Variants in RORB observed in about 807,000 individuals in gnomAD.
RORB encodes RAR related orphan receptor B.
RORB carries 6 observed loss-of-function variants against 59.1 expected under a neutral mutation model. That is an observed-to-expected ratio of 0.10 (90% CI 0.06 to 0.20). The LOEUF (loss-of-function observed/expected upper bound fraction) is 0.20. Ranked by LOEUF, RORB falls within the 10% of genes least tolerant of loss-of-function variation. RORB has a pLI of 1.00. For synonymous variants in RORB, 215 were observed against 204.5 expected (o/e 1.05, Z -0.44); for missense variants, 320 against 560.5 (o/e 0.57, Z 4.33).
chr9:74,631,397 C>T (rs1035386105), intron 2 of RORB, among the ~76,000 whole-genome samples: 3 of 152,116 alleles, frequency 2.0e-5, no homozygotes, highest in African/African-American at 7.2e-5. Context: ...ATCAAAGAAG[C>T]AAGCAAAGTG....
chr9:74,565,023 T>A (rs185826469), intron 1 of RORB, among the ~76,000 whole-genome samples: 1 of 152,240 alleles, frequency 6.6e-6, no homozygotes, highest in Non-Finnish European at 1.5e-5. Context: ...ACAAAGAAGA[T>A]CTCTTTACTG....
chr9:74,590,249 A>G (rs1276427302), intron 1 of RORB, among the ~76,000 whole-genome samples: 1 of 152,128 alleles, frequency 6.6e-6, no homozygotes, highest in Non-Finnish European at 1.5e-5. Context: ...TCTTTTATTT[A>G]CCACTCTATT....
intron 1 of RORB, among the ~76,000 whole-genome samples, chr9:74,509,871 A>G (rs976575877): frequency 3.9e-5 from 6 of 152,146 alleles, no homozygotes; most frequent in African/African-American, 1.2e-4. Flanking sequence ...AAAAAAAATT[A>G]CATTTGACAT....
chr9:74,661,545 C>T lies in RORB; in HGVS notation c.759+807C>T, dbSNP rs546225510. 3.3e-5 allele frequency among the ~76,000 whole-genome samples: 5 copies of T among 150,648 alleles called. No homozygotes were observed. The South Asian group carries it at 1.0e-3, about 32-fold the overall frequency. ...TCTGTTTCTCATTTCAAAAAATAAA[C>T]TGAGGACTAAAAAATATTTGGGTGA... On this transcript the variant is annotated intron_variant, in intron 5 of 9. Coordinates refer to ENST00000376896, the MANE Select transcript of RORB (RefSeq NM_006914.4).
At chr9:74,524,003 C>CTTT (rs10666385) in intron 1 of RORB, among the ~76,000 whole-genome samples, 2,197 of 124,236 alleles carry the variant, frequency 0.018, 47 homozygotes, top group African/African-American at 0.022. Context: ...TCAACGACAC[C>CTTT]TTTTTTTTTT....
intron 1 of RORB, among the ~76,000 whole-genome samples, chr9:74,525,833 A>G (rs1826149769): frequency 6.6e-6 from 1 of 151,960 alleles, no homozygotes; most frequent in Non-Finnish European, 1.5e-5. Context: ...TTTTTTAAAG[A>G]TTCAGGTGAT....
intron 1 of RORB, among the ~76,000 whole-genome samples, chr9:74,575,546 T>C (rs1361728514): frequency 6.6e-6 from 1 of 152,070 alleles, no homozygotes; most frequent in Non-Finnish European, 1.5e-5. Flanking sequence ...CCTGCAAAAC[T>C]TTCTAACTTT....
At chr9:74,638,058 A>T (rs972462668) in intron 3 of RORB, among the ~76,000 whole-genome samples, 13 of 152,212 alleles carry the variant, frequency 8.5e-5, no homozygotes, top group African/African-American at 3.1e-4. Flanking sequence ...AGGGTGGCAG[A>T]AGAGGCACAT....
chr9:74,498,109 C>A, intron 1 of RORB, 126 bp downstream of exon 1: 3 of 1,097,292 alleles, frequency 2.7e-6, no homozygotes, highest in South Asian at 1.4e-5. Flanking sequence ...TCCCCGAATT[C>A]GCTCTCGCAG....
chr9:74,597,224 G>A (rs957505895), intron 1 of RORB, among the ~76,000 whole-genome samples: 2 of 152,156 alleles, frequency 1.3e-5, no homozygotes, highest in African/African-American at 2.4e-5. Flanking sequence ...TTGGTAACTG[G>A]TACATCTGAA....
intron 1 of RORB, among the ~76,000 whole-genome samples, chr9:74,522,783 ACTGTAC>A (rs1826100910): frequency 6.6e-6 from 1 of 151,818 alleles, no homozygotes; most frequent in African/African-American, 2.4e-5. Context: ...TTGGTGCTCC[ACTGTAC>A]CCAGATAATC....
At chr9:74,650,271 C>T (rs981104353) in intron 4 of RORB, among the ~76,000 whole-genome samples, 6 of 152,202 alleles carry the variant, frequency 3.9e-5, no homozygotes, top group African/African-American at 9.6e-5. Context: ...GCATTGCAAG[C>T]TTTGACATTG....
At chr9:74,661,036 A>G (rs1476613845) in intron 5 of RORB, among the ~76,000 whole-genome samples, 2 of 152,208 alleles carry the variant, frequency 1.3e-5, no homozygotes, top group Non-Finnish European at 1.5e-5. Flanking sequence ...GCCTTCATCA[A>G]ATGATTTTAG....
intron 8 of RORB, among the ~76,000 whole-genome samples, chr9:74,669,254 G>T (rs148403890): frequency 6.6e-6 from 1 of 152,148 alleles, no homozygotes; most frequent in Non-Finnish European, 1.5e-5. Flanking sequence ...CGAGGCCAGC[G>T]GATCACCTGA....
At chr9:74,617,021 C>G (rs2118372594) in intron 1 of RORB, among the ~76,000 whole-genome samples, 1 of 151,982 alleles carries the variant, frequency 6.6e-6, no homozygotes, top group Non-Finnish European at 1.5e-5. Context: ...GGTAGAATAC[C>G]TGGTGCTAGG....
At chr9:74,499,359 G>A (rs774860513) in intron 1 of RORB, among the ~76,000 whole-genome samples, 6 of 152,130 alleles carry the variant, frequency 3.9e-5, no homozygotes, top group Admixed American at 6.5e-5. Context: ...GAGGCAGCGG[G>A]TCTCACTCCC....
intron 1 of RORB, among the ~76,000 whole-genome samples, chr9:74,615,051 C>T (rs1364585775): frequency 6.6e-6 from 1 of 152,144 alleles, no homozygotes; most frequent in Non-Finnish European, 1.5e-5. Context: ...ATAAACTGCT[C>T]CTCTGCTGTA....
intron 2 of RORB, among the ~76,000 whole-genome samples, chr9:74,633,352 G>A (rs757152996): frequency 6.6e-6 from 1 of 152,182 alleles, no homozygotes; most frequent in Non-Finnish European, 1.5e-5. Flanking sequence ...GAAGCTGTTT[G>A]AGGGAAGTCA....
At chr9:74,673,841 T>G (rs1002988913) in intron 9 of RORB, among the ~76,000 whole-genome samples, 1 of 152,254 alleles carries the variant, frequency 6.6e-6, no homozygotes. Context: ...ATTGCTTCTA[T>G]AGGCCACAGG....
Sources: gnomAD v4.1 joint callset for allele counts (sites outside exome capture counted in the v4.1 genomes callset) on GRCh38, gnomAD v4.1.1 for gene constraint, MANE v1.5 for transcripts, NCBI Gene and HGNC (gene_info 2026-07-23, HGNC 2026-07-21) for gene names.